Variants in SVIL observed in about 807,000 individuals in gnomAD.
SVIL encodes the protein supervillin, also known as archvillin.
A neutral mutation model predicts 240.4 loss-of-function variants in SVIL; 101 were observed. The observed-to-expected ratio is 0.42, with a 90% CI of 0.36 to 0.50. The LOEUF (loss-of-function observed/expected upper bound fraction) is 0.50, where lower values mean the gene tolerates loss of function less well. SVIL is among the 20% of genes least tolerant of loss of function. SVIL has a pLI of 0.01. For synonymous variants in SVIL, 999 were observed against 1,100.0 expected, an observed-to-expected ratio of 0.91 and a Z score of 1.82; for missense variants, 2,512 against 2,818.7, an observed-to-expected ratio of 0.89 and a Z score of 2.46.
At chr10:29,517,860 G>C (rs1035031125) in intron 16 of SVIL, among the ~76,000 whole-genome samples, 1 of 152,128 alleles carries the variant, frequency 6.6e-6, no homozygotes, top group Non-Finnish European at 1.5e-5. Context: ...ATTTCTAAAG[G>C]CCTAACATAC....
chr10:29,481,364 CT>C (rs940394375), intron 28 of SVIL, among the ~76,000 whole-genome samples: 6 of 151,772 alleles, frequency 4.0e-5, no homozygotes, highest in Non-Finnish European at 8.8e-5. Context: ...GAGGAATGAG[CT>C]CTGGTTTTCT....
At chr10:29,663,598 T>C (rs1018269533) in intron 2 of SVIL, among the ~76,000 whole-genome samples, 2 of 152,186 alleles carry the variant, frequency 1.3e-5, no homozygotes, top group African/African-American at 4.8e-5. Context: ...TCAAGTGATC[T>C]GCCCTGCTTG....
chr10:29,634,712 A>G lies in SVIL; in HGVS notation c.-493T>C, dbSNP rs1435976314. On this transcript the variant is annotated 5_prime_UTR_variant, in exon 1 of 38. Transcript: ENST00000355867. ...AGAAGCGATGATGATTCAGAACAGG[A>G]TAAATTTAGAATGGTGTTTTCCAAA... 6.6e-6 allele frequency: 1 copy of G among 152,230 alleles called. No individual in the cohort carries two copies. Among genetic ancestry groups the G allele is most frequent in the Non-Finnish European group, 1.5e-5 (1 of 68,038 alleles). 9.4% of individuals were successfully genotyped at this position (152,230 alleles called of 1,614,324 possible). A position where few individuals can be genotyped will look rare whatever the true frequency, so the allele number is the denominator to read the frequency against.
At chr10:29,594,623 C>T (rs999190331) in intron 1 of SVIL, among the ~76,000 whole-genome samples, 4 of 149,430 alleles carry the variant, frequency 2.7e-5, no homozygotes, top group Non-Finnish European at 4.4e-5. Context: ...GTGGTGCAGT[C>T]TGGGCTCATC....
chr10:29,725,411 C>T (rs1474723527), intron 1 of SVIL, among the ~76,000 whole-genome samples: 1 of 152,102 alleles, frequency 6.6e-6, no homozygotes, highest in East Asian at 1.9e-4. Context: ...CCTTGCAATC[C>T]TTAAAAGGCA....
At chr10:29,553,765 G>A (rs1377611651) in intron 5 of SVIL, among the ~76,000 whole-genome samples, 1 of 152,162 alleles carries the variant, frequency 6.6e-6, no homozygotes, top group African/African-American at 2.4e-5. Flanking sequence ...TCAACATACT[G>A]TTTAATATGA....
rs530288251 is a variant in SVIL, at chr10:29,558,237, A to G, written c.-50-3129T>C. Among the ~76,000 whole-genome samples, 7 of 152,348 alleles carry G rather than the reference A, an allele frequency of 4.6e-5. No individual in the cohort carries two copies. The South Asian group carries it at 1.4e-3, about 32-fold the overall frequency. On this transcript the variant is annotated intron_variant, in intron 3 of 37. Coordinates refer to ENST00000355867, the MANE Select transcript of SVIL (RefSeq NM_021738.3). ...GCCAAGCCTATTGCTCCTGGAAGCT[A>G]GAATCCATCAACATAGTGGGTACTT...
intron 1 of SVIL, among the ~76,000 whole-genome samples, chr10:29,585,777 G>C (rs747739614): frequency 6.6e-6 from 1 of 152,228 alleles, no homozygotes; most frequent in Admixed American, 6.5e-5. Context: ...AACTGAAGCC[G>C]GGGTCCGGAG....
At chr10:29,729,639 G>T (rs1402255101) in intron 1 of SVIL, among the ~76,000 whole-genome samples, 4 of 129,572 alleles carry the variant, frequency 3.1e-5, no homozygotes, top group Non-Finnish European at 5.0e-5. Flanking sequence ...TTCAAGACCA[G>T]CCTGGCCAAC....
At chr10:29,481,817 G>A (rs1278556158) in intron 27 of SVIL, 89 bp from the exon 28 acceptor site, 6 of 1,380,802 alleles carry the variant, frequency 4.3e-6, no homozygotes, top group Admixed American at 4.4e-5. Context: ...AACACATGCG[G>A]CTGCTGGAAA....
chr10:29,668,125 C>A lies in SVIL; in HGVS notation c.-300-10057G>T, dbSNP rs190444389. 3.0e-3 allele frequency among the ~76,000 whole-genome samples: 458 copies of A among 152,198 alleles called. 2 individuals are homozygous for A. Among genetic ancestry groups the A allele is most frequent in the South Asian group, 0.011 (53 of 4,820 alleles). ...TTTTAGAGAATAAAGCTCCCTTAGC[C>A]ATATAAAATTTCTTAAAGCTACCTC... On this transcript the variant is annotated intron_variant, in intron 2 of 35. Coordinates refer to the SVIL transcript ENST00000375400.
At chr10:29,691,801 A>T (rs4747674) in intron 1 of SVIL, among the ~76,000 whole-genome samples, 40,991 of 152,110 alleles carry the variant, frequency 0.27, 5,588 homozygotes, top group East Asian at 0.37. Flanking sequence ...GAATCCCTGT[A>T]ACACTCTGTT....
rs144234953 is a variant in SVIL, at chr10:29,524,537, T to C, written c.2521A>G (p.Thr841Ala). Residue 841 changes from threonine (T) to alanine (A), a missense_variant, in exon 14 of 38, where the codon ACG (threonine) becomes GCG (alanine). Physicochemically the swap from Thr to Ala is moderately conservative, Grantham distance 58. This residue lies in a region of SVIL where 1,443 missense variants were observed against 1,486.6 expected (regional missense o/e 0.97). Transcript: ENST00000355867. ...KAISTRNRID[T>A]RQRRMNARYQ... ...CGAGCGTTCATTCTCCTCTGTCTCG[T>C]GTCTATTCTGTTCCGGGTAGAAATC... 58 of 1,614,158 alleles carry C rather than the reference T, an allele frequency of 3.6e-5. No homozygotes were observed. The African/African-American group carries it at 6.3e-4, about 17-fold the overall frequency.
At chr10:29,563,410 T>C (rs1556050) in intron 2 of SVIL, 118 bp from the exon 3 acceptor site, 131,728 of 250,062 alleles carry the variant, frequency 0.53, 36,183 homozygotes, top group African/African-American at 0.69. Flanking sequence ...ACACATAGAT[T>C]GCAGGTAAAA....
intron 36 of SVIL, among the ~76,000 whole-genome samples, chr10:29,459,538 T>A (rs577472906): frequency 1.9e-4 from 29 of 152,108 alleles, no homozygotes; most frequent in African/African-American, 7.0e-4. Flanking sequence ...CCCCCTTCCC[T>A]CCCCTGGCCC....
chr10:29,547,371 A>G (rs1418261046), intron 6 of SVIL, among the ~76,000 whole-genome samples: 1 of 152,056 alleles, frequency 6.6e-6, no homozygotes, highest in African/African-American at 2.4e-5. Context: ...CCTGTGAATC[A>G]TAGAATTGTA....
chr10:29,723,099 G>T (rs1397447091), intron 1 of SVIL, among the ~76,000 whole-genome samples: 1 of 152,230 alleles, frequency 6.6e-6, no homozygotes, highest in Non-Finnish European at 1.5e-5. Context: ...TGTAGGCGTG[G>T]TGGCTCATGC....
intron 1 of SVIL, among the ~76,000 whole-genome samples, chr10:29,700,769 G>A (rs1159109413): frequency 6.6e-6 from 1 of 152,030 alleles, no homozygotes. Context: ...CACTGCGCCT[G>A]GCCACTATTT....
intron 3 of SVIL, among the ~76,000 whole-genome samples, chr10:29,642,227 T>C (rs149095406): frequency 0.016 from 2,458 of 152,082 alleles, 77 homozygotes; most frequent in African/African-American, 0.057. Flanking sequence ...AGTGAAACTC[T>C]GTCTCTACTA....
Sources: allele counts gnomAD v4.1 joint callset (sites outside exome capture counted in the v4.1 genomes callset), GRCh38; gene constraint gnomAD v4.1.1; regional missense constraint gnomAD v4.1.1; transcripts MANE v1.5; gene names NCBI Gene and HGNC (gene_info 2026-07-23, HGNC 2026-07-21).